HDAC9: variants seen among roughly 807,000 people sequenced by gnomAD.
HDAC9 encodes the protein histone deacetylase 9.
HDAC9 carries 41 observed loss-of-function variants against 139.4 expected under a neutral mutation model. The observed-to-expected ratio is 0.29, with a 90% CI of 0.23 to 0.38. HDAC9 has a LOEUF of 0.38. Ranked by LOEUF, HDAC9 falls within the 10% of genes least tolerant of loss-of-function variation. The pLI, the probability that HDAC9 is intolerant of heterozygous loss-of-function variation, is 1.00. For synonymous variants in HDAC9, 517 were observed against 476.2 expected (o/e 1.09, Z -1.12); for missense variants, 1,147 against 1,297.0 (o/e 0.88, Z 1.78).
chr7:18,493,247 A>G (rs938982499), upstream of HDAC9, among the ~76,000 whole-genome samples: 4 of 151,950 alleles, frequency 2.6e-5, no homozygotes, highest in African/African-American at 9.7e-5. Flanking sequence ...TATTGTATCA[A>G]TATGGTGATT....
rs1814594422 is a variant in HDAC9, at chr7:18,545,785, C to T, written c.23-39496C>T. The stretch of plus-strand genomic sequence containing the variant: ...AAAGGGCACATGTGCACTGTAGTGT[C>T]AAGAGAATTATATGTTAAGTGGCAA... On this transcript the variant is annotated intron_variant, in intron 2 of 25. Transcript: ENST00000686413. Among the ~76,000 whole-genome samples, 3 of 152,150 alleles carry T rather than the reference C, an allele frequency of 2.0e-5. No homozygotes were observed. The South Asian group carries it at 6.2e-4, about 32-fold the overall frequency.
intron 2 of HDAC9, among the ~76,000 whole-genome samples, chr7:18,171,214 A>G (rs1788410163): frequency 6.6e-6 from 1 of 152,092 alleles, no homozygotes; most frequent in African/African-American, 2.4e-5. Flanking sequence ...GCAATTGTGA[A>G]TGGGAGTTCA....
intron 1 of HDAC9, among the ~76,000 whole-genome samples, chr7:18,457,944 A>T (rs1793493756): frequency 1.3e-5 from 2 of 152,154 alleles, no homozygotes; most frequent in Non-Finnish European, 2.9e-5. Flanking sequence ...GCACACACTG[A>T]CACTACAGAG....
chr7:18,765,712 T>A (rs1789776229), intron 15 of HDAC9, among the ~76,000 whole-genome samples: 1 of 152,224 alleles, frequency 6.6e-6, no homozygotes, highest in Admixed American at 6.5e-5. Context: ...TCACAGGTGA[T>A]ATATGAATAT....
At chr7:18,508,350 C>G (rs1359835560) in intron 2 of HDAC9, among the ~76,000 whole-genome samples, 1 of 152,134 alleles carries the variant, frequency 6.6e-6, no homozygotes, top group African/African-American at 2.4e-5. Context: ...AACAGAAGCA[C>G]AGTTAAAATA....
intron 2 of HDAC9, among the ~76,000 whole-genome samples, chr7:18,208,129 G>A (rs771205320): frequency 3.3e-5 from 5 of 152,100 alleles, no homozygotes; most frequent in South Asian, 2.1e-4. Context: ...TAGTACTTTC[G>A]TTTCAAAGAA....
At position 18,932,134 on chromosome 7, in the gene HDAC9, C is replaced by T. The variant is rs562074045; in HGVS notation, c.2804-3675C>T. Among the ~76,000 whole-genome samples the T allele has an allele frequency of 5.3e-5, 8 of 152,008 alleles. No homozygotes were observed. In the East Asian group the frequency reaches 1.5e-3, roughly 29 times the overall value. On this transcript the variant is annotated intron_variant, in intron 22 of 25. Coordinates refer to ENST00000686413, the MANE Select transcript of HDAC9 (RefSeq NM_178425.4). ...GTTTTTCTGTAAATACAAAACTGCT[C>T]TAAAAAATAAAATCTATGAATTATG...
upstream of HDAC9, among the ~76,000 whole-genome samples, chr7:18,493,876 GA>G (rs929954891): frequency 6.6e-6 from 1 of 151,814 alleles, no homozygotes; most frequent in African/African-American, 2.4e-5. Flanking sequence ...CTTTTTTGAG[GA>G]AACTTAGGCA....
At chr7:18,143,435 T>C (rs1179721793) in intron 1 of HDAC9, among the ~76,000 whole-genome samples, 1 of 152,170 alleles carries the variant, frequency 6.6e-6, no homozygotes, top group African/African-American at 2.4e-5. Context: ...GCAGAAGCTG[T>C]TTTTATATTA....
chr7:18,319,304 T>G (rs1381337911), intron 1 of HDAC9, among the ~76,000 whole-genome samples: 1 of 152,220 alleles, frequency 6.6e-6, no homozygotes, highest in Non-Finnish European at 1.5e-5. Context: ...TATCTCCTTC[T>G]TTTTGTGTTT....
chr7:18,642,267 T>G (rs935821692), intron 8 of HDAC9, among the ~76,000 whole-genome samples: 1 of 152,002 alleles, frequency 6.6e-6, no homozygotes, highest in Non-Finnish European at 1.5e-5. Context: ...TTGTGCCAAG[T>G]CCCCTGACTC....
chr7:18,557,689 AAAAATATATTTTATATTGT>A (rs2128693061), intron 2 of HDAC9, among the ~76,000 whole-genome samples: 1 of 148,614 alleles, frequency 6.7e-6, no homozygotes, highest in East Asian at 1.9e-4. Flanking sequence ...TTTATAATTT[AAAAATATATTTTATATTGT>A]AAAATATTAA....
chr7:18,920,689 C>T (rs1018059369), intron 22 of HDAC9, among the ~76,000 whole-genome samples: 15 of 151,888 alleles, frequency 9.9e-5, no homozygotes, highest in African/African-American at 2.7e-4. Context: ...ATTTATTGAG[C>T]GTTTTTAGCA....
chr7:18,405,020 C>A (rs943874139), intron 1 of HDAC9, among the ~76,000 whole-genome samples: 1 of 152,104 alleles, frequency 6.6e-6, no homozygotes. Context: ...GTGGACACAC[C>A]AATTCACCGA....
chr7:18,159,498 A>G (rs1425658267), intron 1 of HDAC9, among the ~76,000 whole-genome samples: 2 of 152,172 alleles, frequency 1.3e-5, no homozygotes, highest in African/African-American at 4.8e-5. Flanking sequence ...AATTTGTATA[A>G]AATTATATAT....
At chr7:18,723,803 C>A (rs185723821) in intron 12 of HDAC9, among the ~76,000 whole-genome samples, 217 of 152,072 alleles carry the variant, frequency 1.4e-3, no homozygotes, top group African/African-American at 5.0e-3. Flanking sequence ...TATTTAGTAA[C>A]CCCAGTCATC....
intron 2 of HDAC9, among the ~76,000 whole-genome samples, chr7:18,570,615 T>A (rs1823962899): frequency 6.6e-6 from 1 of 152,160 alleles, no homozygotes; most frequent in Non-Finnish European, 1.5e-5. Context: ...CTGGACGGTG[T>A]GTGTTCTAAT....
chr7:18,561,521 C>G (rs1425632300), intron 2 of HDAC9, among the ~76,000 whole-genome samples: 1 of 152,082 alleles, frequency 6.6e-6, no homozygotes, highest in Non-Finnish European at 1.5e-5. Flanking sequence ...GTTGTGCAAC[C>G]ATCACCACAA....
rs538660893 is a variant in HDAC9 at position 19,000,408 on chromosome 7, A to G, written c.*4346A>G. 2 of 152,346 alleles carry G rather than the reference A, an allele frequency of 1.3e-5. No individual in the cohort carries two copies. Among genetic ancestry groups the G allele is most frequent in the South Asian group, 4.1e-4 (2 of 4,830 alleles). 9.4% of individuals were successfully genotyped at this position (152,346 alleles called of 1,614,324 possible). A position where few individuals can be genotyped will look rare whatever the true frequency, so the allele number is the denominator to read the frequency against. The stretch of plus-strand genomic sequence containing the variant: ...TACTCCATGAAACGCTTCATGAAGC[A>G]GAGCATGATTGTCAAGTGACCAGAG... On this transcript the variant is annotated 3_prime_UTR_variant, in exon 26 of 26. Coordinates refer to ENST00000686413, the MANE Select transcript of HDAC9 (RefSeq NM_178425.4).
Sources: gnomAD v4.1 joint callset for allele counts (sites outside exome capture counted in the v4.1 genomes callset) on GRCh38, gnomAD v4.1.1 for gene constraint, MANE v1.5 for transcripts, NCBI Gene and HGNC (gene_info 2026-07-23, HGNC 2026-07-21) for gene names.